Variants in KLRG1 observed in about 807,000 individuals in gnomAD.
The protein encoded by KLRG1 is killer cell lectin-like receptor subfamily G member 1.
Under a neutral mutation model 21.8 loss-of-function variants are expected in KLRG1, and 16 were observed. That is an observed-to-expected ratio of 0.73 (90% CI 0.50 to 1.11). The LOEUF (loss-of-function observed/expected upper bound fraction) is 1.11. KLRG1 is among the 50% of genes most tolerant of loss of function. The pLI, the probability that KLRG1 is intolerant of heterozygous loss-of-function variation, is 0.00. For missense variants in KLRG1, 173 were observed against 218.3 expected, an observed-to-expected ratio of 0.79 and a Z score of 1.31; for synonymous variants, 69 against 75.9, an observed-to-expected ratio of 0.91 and a Z score of 0.47.
At chr12:9,004,736 C>T (rs1285997846) in intron 3 of KLRG1, among the ~76,000 whole-genome samples, 1 of 152,192 alleles carries the variant, frequency 6.6e-6, no homozygotes, top group Non-Finnish European at 1.5e-5. Flanking sequence ...TCACCTTGGC[C>T]TCCCAAATTG....
chr12:9,150,833 T>G, the KLRG1 span: 82 of 857,762 alleles, frequency 9.6e-5, no homozygotes, highest in Non-Finnish European at 1.5e-4. Context: ...GTTCTTTGAC[T>G]CTTTTTCACC....
At chr12:9,045,225 TGA>T in the KLRG1 span, among the ~76,000 whole-genome samples, 2 of 152,060 alleles carry the variant, frequency 1.3e-5, no homozygotes, top group Admixed American at 6.5e-5. Context: ...CTCAGAAAAC[TGA>T]GAGAGAGAAC....
At chr12:9,203,936 C>T in the KLRG1 span, 2 of 1,613,384 alleles carry the variant, frequency 1.2e-6, no homozygotes, top group Non-Finnish European at 1.7e-6. Context: ...GGGAGGGGAC[C>T]AGCACCATAT....
At chr12:9,082,788 A>C in the KLRG1 span, among the ~76,000 whole-genome samples, 1 of 152,230 alleles carries the variant, frequency 6.6e-6, no homozygotes, top group Non-Finnish European at 1.5e-5. Flanking sequence ...AGAATATATA[A>C]ATACAAAATT....
At chr12:9,049,278 G>A in the KLRG1 span, among the ~76,000 whole-genome samples, 2 of 152,154 alleles carry the variant, frequency 1.3e-5, no homozygotes, top group Non-Finnish European at 2.9e-5. Flanking sequence ...TGTGGCCACA[G>A]AGTGGTGGAT....
At chr12:9,175,066 A>G in the KLRG1 span, among the ~76,000 whole-genome samples, 5 of 152,222 alleles carry the variant, frequency 3.3e-5, no homozygotes, top group Admixed American at 2.0e-4. Flanking sequence ...AAACTTTACT[A>G]CAAGGTTACA....
intron 1 of KLRG1, among the ~76,000 whole-genome samples, chr12:8,969,863 C>G (rs1946538768): frequency 6.6e-6 from 1 of 152,234 alleles, no homozygotes; most frequent in Non-Finnish European, 1.5e-5. Context: ...TGCCTGTAAT[C>G]TCAACACTTT....
At chr12:9,012,099 A>C (rs1203404083), downstream of KLRG1, among the ~76,000 whole-genome samples, 1 of 152,206 alleles carries the variant, frequency 6.6e-6, no homozygotes, top group East Asian at 1.9e-4. Context: ...GCTCAGAGCC[A>C]GTGGACTTGG....
chr12:9,112,749 A>C, the KLRG1 span: 18 of 554,362 alleles, frequency 3.2e-5, no homozygotes, highest in African/African-American at 3.2e-4. Context: ...TCAGTAAGAG[A>C]GGTTGTAAGT....
chr12:9,145,695 A>G, the KLRG1 span, among the ~76,000 whole-genome samples: 1 of 152,154 alleles, frequency 6.6e-6, no homozygotes, highest in African/African-American at 2.4e-5. Context: ...TTTCAGTTGA[A>G]AAACTCTCTT....
At chr12:8,984,746 T>TTTC (rs1946815019), upstream of KLRG1, among the ~76,000 whole-genome samples, 5 of 152,336 alleles carry the variant, frequency 3.3e-5, no homozygotes, top group Non-Finnish European at 7.3e-5. Flanking sequence ...CTATGTTACA[T>TTTC]AAGTTTCTTT....
the KLRG1 span, chr12:9,077,761 C>G: frequency 1.9e-6 from 3 of 1,614,060 alleles, no homozygotes; most frequent in Non-Finnish European, 2.5e-6. Context: ...CCTTCTGCCT[C>G]TGGGAGAGCC....
the KLRG1 span, among the ~76,000 whole-genome samples, chr12:9,156,851 A>T: frequency 6.6e-6 from 1 of 152,116 alleles, no homozygotes; most frequent in Non-Finnish European, 1.5e-5. Flanking sequence ...ATTTGGTACC[A>T]TTTGCTGTTT....
rs149357406 is a variant in KLRG1, at chr12:9,001,472, A to T, written c.357+6184A>T. ...CTCTACCCAAACCCCAGCCTTGAAC[A>T]TTTCCAGTCACTGATAAAGGTATCT... On this transcript the variant is annotated intron_variant, in intron 3 of 4. Transcript: ENST00000356986. Among the ~76,000 whole-genome samples the T allele has an allele frequency of 2.2e-4, 34 of 152,182 alleles. No homozygotes were observed. The East Asian group carries it at 6.0e-3, about 27-fold the overall frequency.
chr12:9,181,930 G>T, the KLRG1 span: 1 of 1,593,306 alleles, frequency 6.3e-7, no homozygotes, highest in East Asian at 2.2e-5. Context: ...GGCACCTACA[G>T]TATCATTTAT....
the KLRG1 span, chr12:9,058,511 A>G: frequency 2.6e-5 from 4 of 151,894 alleles, no homozygotes; most frequent in East Asian, 3.8e-4. Context: ...TCATTGTAAT[A>G]TAAACAAACA....
the KLRG1 span, chr12:9,077,245 G>T: frequency 4.4e-6 from 5 of 1,143,784 alleles, no homozygotes; most frequent in Non-Finnish European, 6.3e-6. Flanking sequence ...TAGAAAGAAA[G>T]CTGATGCTTT....
At chr12:8,963,275 A>G (rs1329511727) in intron 1 of KLRG1, among the ~76,000 whole-genome samples, 1 of 152,160 alleles carries the variant, frequency 6.6e-6, no homozygotes, top group African/African-American at 2.4e-5. Flanking sequence ...ATATTAAAGG[A>G]ATTTTTTCTG....
chr12:9,048,705 C>T, the KLRG1 span, among the ~76,000 whole-genome samples: 1 of 152,174 alleles, frequency 6.6e-6, no homozygotes, highest in Non-Finnish European at 1.5e-5. Flanking sequence ...TATAGAACAT[C>T]TACAAAAAAT....
Sources: gnomAD v4.1 joint callset for allele counts (sites outside exome capture counted in the v4.1 genomes callset) on GRCh38, gnomAD v4.1.1 for gene constraint, MANE v1.5 for transcripts, NCBI Gene and HGNC (gene_info 2026-07-23, HGNC 2026-07-21) for gene names.